EIF5: variants seen among roughly 807,000 people sequenced by gnomAD.
The protein encoded by EIF5 is eukaryotic translation initiation factor 5.
Under a neutral mutation model 48.3 loss-of-function variants are expected in EIF5, and 10 were observed. That is an observed-to-expected ratio of 0.21 (90% CI 0.13 to 0.35). EIF5 has a LOEUF of 0.35. Among genes scored for constraint, EIF5 ranks in the 10% least tolerant of loss-of-function variants. The probability of loss-of-function intolerance (pLI) is 1.00; values close to 1 mark genes in which losing one functional copy is unlikely to be tolerated. For synonymous variants in EIF5, 237 were observed against 173.1 expected, an observed-to-expected ratio of 1.37 and a Z score of -2.90; for missense variants, 397 against 533.2, an observed-to-expected ratio of 0.74 and a Z score of 2.51.
intron 11 of EIF5, 81 bp from the exon 12 acceptor site, chr14:103,340,882 C>T (rs2089345465): frequency 1.4e-6 from 2 of 1,431,596 alleles, no homozygotes; most frequent in Non-Finnish European, 2.0e-6. Flanking sequence ...CAGTTTCCTC[C>T]TCTGTGACCA....
At chr14:103,337,713 A>T (rs2089304427) in intron 6 of EIF5, 2 of 398,508 alleles carry the variant, frequency 5.0e-6, no homozygotes, top group Admixed American at 6.3e-5. Flanking sequence ...CTGCCAATTA[A>T]ACTGTGCCAT....
chr14:103,336,161 A>T, intron 4 of EIF5, 44 bp downstream of exon 4: 1 of 1,565,424 alleles, frequency 6.4e-7, no homozygotes, highest in Non-Finnish European at 8.7e-7. Flanking sequence ...TTATGGATAG[A>T]GTCTTCAAAG....
At chr14:103,335,452 C>T (rs906312540) in intron 2 of EIF5, 1 of 183,580 alleles carries the variant, frequency 5.4e-6, no homozygotes. Context: ...CCAGTCACAG[C>T]TTAGTCGAAA....
chr14:103,343,446 G>C lies in EIF5; in HGVS notation c.*2394G>C, dbSNP rs988324426. 5.7e-5 allele frequency: 8 copies of C among 140,546 alleles called. No individual in the cohort carries two copies. Among genetic ancestry groups the C allele is most frequent in the African/African-American group, 2.2e-4 (8 of 37,040 alleles). The allele number at this position is 140,546 out of a possible 1,614,324, so 8.7% of individuals were successfully genotyped here. A position where few individuals can be genotyped will look rare whatever the true frequency, so the allele number is the denominator to read the frequency against. The stretch of plus-strand genomic sequence containing the variant: ...GGAACATACATACAGCTATGTAACT[G>C]TGAATAATTGTATATATCTCTAGTT... On this transcript the variant is annotated 3_prime_UTR_variant, in exon 12 of 12. Coordinates refer to ENST00000216554, the MANE Select transcript of EIF5 (RefSeq NM_001969.5).
At chr14:103,335,494 C>T (rs1340741862) in intron 2 of EIF5, 159 bp from the exon 3 acceptor site, 2 of 251,132 alleles carry the variant, frequency 8.0e-6, no homozygotes, top group Non-Finnish European at 1.6e-5. Flanking sequence ...GCAGATTGTA[C>T]TGTGTTACAT....
chr14:103,337,887 A>G lies in EIF5; in HGVS notation c.440-440A>G, dbSNP rs761401525. The G allele has an allele frequency of 7.7e-6, 4 of 521,166 alleles. No individual in the cohort carries two copies. The East Asian group carries it at 2.2e-4, about 28-fold the overall frequency. 32.3% of individuals were successfully genotyped at this position (521,166 alleles called of 1,614,324 possible). On this transcript the variant is annotated intron_variant, in intron 6 of 11. Transcript: ENST00000216554. The stretch of plus-strand genomic sequence containing the variant: ...TGGCAGATGATCAAAACTGTCTGAC[A>G]CAATTTGAGCTTGCTATAGCAAGAA...
In EIF5 at chr14:103,335,761, G is replaced by T; in HGVS notation, c.-100G>T. On this transcript the variant is annotated 5_prime_UTR_variant, in exon 3 of 12. Coordinates refer to ENST00000216554, the MANE Select transcript of EIF5 (RefSeq NM_001969.5). ...TTCATGTCAGAGACCGAGAACTCTT[G>T]CAGTCGTTTATGTCATCCCTTCTTC... 1 of 1,363,508 alleles carries T rather than the reference G, an allele frequency of 7.3e-7. No individual in the cohort carries two copies. Among genetic ancestry groups the T allele is most frequent in the Non-Finnish European group, 1.0e-6 (1 of 963,538 alleles). 84.5% of individuals were successfully genotyped at this position (1,363,508 alleles called of 1,614,324 possible).
At position 103,344,528 on chromosome 14, in the gene EIF5, T is replaced by A. The variant is rs1352563406; in HGVS notation, c.*3476T>A. 2 of 152,236 alleles carry A rather than the reference T, an allele frequency of 1.3e-5. No individual in the cohort carries two copies. The highest frequency in any genetic ancestry group is 2.4e-5 in the African/African-American group (1 of 41,432). The allele number at this position is 152,236 out of a possible 1,614,324, so 9.4% of individuals were successfully genotyped here. On this transcript the variant is annotated 3_prime_UTR_variant, in exon 12 of 12. Coordinates refer to ENST00000216554, the MANE Select transcript of EIF5 (RefSeq NM_001969.5). ...TTGGATTCTGTCCCAGGCCTTACTG[T>A]AAAACTAGGGGATTGCCTTTCCATA...
At position 103,335,946 on chromosome 14, in the gene EIF5, C is replaced by T. The variant is rs1406245121; in HGVS notation, c.72+14C>T. 4.3e-6 allele frequency: 7 copies of T among 1,614,102 alleles called. No homozygotes were observed. Among genetic ancestry groups the T allele is most frequent in the East Asian group, 2.2e-5 (1 of 44,888 alleles). On this transcript the variant is annotated intron_variant, in intron 3 of 11. Coordinates refer to ENST00000216554, the MANE Select transcript of EIF5 (RefSeq NM_001969.5). Reference sequence around the variant, plus strand: ...CTGATTGCCAAGGTAATAAACTGCTCTTCAATTTAGTTGATAGCTCTTTTT... The same window carrying T: ...CTGATTGCCAAGGTAATAAACTGCTTTTCAATTTAGTTGATAGCTCTTTTT...
At chr14:103,334,774 A>T (rs2089263236) in intron 2 of EIF5, 177 bp downstream of exon 2, 1 of 146,094 alleles carries the variant, frequency 6.8e-6, no homozygotes, top group Admixed American at 6.8e-5. Context: ...CCTCCCCGGC[A>T]TGGCGGGAGC....
At chr14:103,334,815 T>A (rs1350816182) in intron 2 of EIF5, 1 of 151,128 alleles carries the variant, frequency 6.6e-6, no homozygotes, top group Non-Finnish European at 1.5e-5. Context: ...TCGGGCTGAC[T>A]CAGGCTTCAG....
rs950150597 is a variant in EIF5 at position 103,341,173 on chromosome 14, T to TA, written c.*126dup. The TA allele has an allele frequency of 8.5e-6, 7 of 819,826 alleles. No homozygotes were observed. In the African/African-American group the frequency reaches 1.2e-4, roughly 14 times the overall value. 50.8% of individuals were successfully genotyped at this position (819,826 alleles called of 1,614,324 possible). The stretch of plus-strand genomic sequence containing the variant: ...CTTAACATCATGCTACACTTTACAC[T>TA]AAAAATCTATTACTGTGAGTGGTCT... On this transcript the variant is annotated 3_prime_UTR_variant, in exon 12 of 12. Coordinates refer to ENST00000216554, the MANE Select transcript of EIF5 (RefSeq NM_001969.5).
intron 6 of EIF5, chr14:103,337,440 A>G (rs559987430): frequency 3.8e-6 from 2 of 524,540 alleles, no homozygotes; most frequent in African/African-American, 1.9e-5. Flanking sequence ...CCCGTCTACT[A>G]AAAACACAAA....
chr14:103,339,421 A>G, intron 9 of EIF5, 88 bp downstream of exon 9: 2 of 1,509,906 alleles, frequency 1.3e-6, no homozygotes, highest in South Asian at 2.7e-5. Context: ...TTGTCCTGTC[A>G]TGCTTGAAAG....
In EIF5 at chr14:103,341,824, GTTAC is replaced by G. The variant is rs1476323200; in HGVS notation, c.*775_*778del. 2 of 152,530 alleles carry G rather than the reference GTTAC, an allele frequency of 1.3e-5. No individual in the cohort carries two copies. Among genetic ancestry groups the G allele is most frequent in the African/African-American group, 4.8e-5 (2 of 41,382 alleles). The allele number at this position is 152,530 out of a possible 1,614,324, so 9.4% of individuals were successfully genotyped here. On this transcript the variant is annotated 3_prime_UTR_variant, in exon 12 of 12. Coordinates refer to ENST00000216554, the MANE Select transcript of EIF5 (RefSeq NM_001969.5). ...ACAAGCATTTTGTGTGTACGTAGTA[GTTAC>G]TTTGTACTGAGAGAACTTGCTTTGG...
chr14:103,340,659 A>T (rs1271895785), intron 11 of EIF5, 98 bp downstream of exon 11: 2 of 1,474,464 alleles, frequency 1.4e-6, no homozygotes, highest in African/African-American at 2.8e-5. Context: ...AGTTTGGGGT[A>T]ATTTCAGGTT....
rs1767907558 is a variant in EIF5, at chr14:103,339,735, C to A, written c.1003C>A (p.His335Asn). 1 of 1,614,094 alleles carries A rather than the reference C, an allele frequency of 6.2e-7. No homozygotes were observed. Among genetic ancestry groups the A allele is most frequent in the Admixed American group, 1.7e-5 (1 of 60,008 alleles). The change falls in exon 10 of 12, where the codon CAT (histidine) becomes AAT (asparagine). Residue 335 changes from histidine to asparagine, a missense_variant. Transcript: ENST00000216554. ...AGCTCAGCTTATCTCCAAGATTCCACATATCTTGAAGGAGATGTACGATGC... is the reference window on the plus strand; with the variant it reads ...AGCTCAGCTTATCTCCAAGATTCCAAATATCTTGAAGGAGATGTACGATGC... ...HQAQLISKIP[H>N]ILKEMYDADL...
Position 103,339,623 on chromosome 14 carries a change from A to T in EIF5, c.907-16A>T, listed in dbSNP as rs1595364932. On this transcript the variant is annotated splice_polypyrimidine_tract_variant and intron_variant, in intron 9 of 11. Transcript: ENST00000216554. Reference sequence around the variant, plus strand: ...CACATAAAAAAGATTGTTAACACCAAGGTGTCTATTTGCAGTTTTGTCACA... The same window carrying T: ...CACATAAAAAAGATTGTTAACACCATGGTGTCTATTTGCAGTTTTGTCACA... The T allele has an allele frequency of 6.2e-7, 1 of 1,614,068 alleles. No individual in the cohort carries two copies. The highest frequency in any genetic ancestry group is 2.2e-5 in the East Asian group (1 of 44,886).
In EIF5 at chr14:103,338,419, ACAC is replaced by A. The variant is rs548001106; in HGVS notation, c.553_555del (p.Pro185del). ...AAATGGCTCCGTATCCAGCAGTGAG[ACAC>A]CACCACCACCACCACCACCAAATGA... is the stretch of plus-strand genomic sequence containing the variant. On this transcript the variant is annotated inframe_deletion, in exon 7 of 12. Transcript: ENST00000216554. 77 of 1,599,450 alleles carry A rather than the reference ACAC, an allele frequency of 4.8e-5. No homozygotes were observed. The highest frequency in any genetic ancestry group is 6.7e-5 in the South Asian group (6 of 89,840).
Sources: gnomAD v4.1 joint callset for allele counts on GRCh38, gnomAD v4.1.1 for gene constraint, MANE v1.5 for transcripts, NCBI Gene and HGNC (gene_info 2026-07-23, HGNC 2026-07-21) for gene names.